ROBO1: variants seen among roughly 807,000 people sequenced by gnomAD.
The protein encoded by ROBO1 is roundabout guidance receptor 1.
A neutral mutation model predicts 195.9 loss-of-function variants in ROBO1; 149 were observed. The ratio of observed to expected loss-of-function variants is 0.76; its 90% confidence interval spans 0.67 to 0.87. The LOEUF is 0.87. ROBO1 is among the 40% of genes least tolerant of loss of function. ROBO1 has a pLI of 0.00. For missense variants in ROBO1, 1,933 were observed against 2,068.3 expected, an observed-to-expected ratio of 0.93 and a Z score of 1.27; for synonymous variants, 816 against 733.2, an observed-to-expected ratio of 1.11 and a Z score of -1.82.
intron 3 of ROBO1, among the ~76,000 whole-genome samples, chr3:79,038,745 G>GC (rs1315458030): frequency 1.3e-5 from 2 of 149,374 alleles, no homozygotes; most frequent in African/African-American, 4.9e-5. Context: ...CCCTAACATC[G>GC]CATCTGGTAC....
At chr3:78,744,536 C>G (rs916280888) in intron 5 of ROBO1, among the ~76,000 whole-genome samples, 5 of 152,210 alleles carry the variant, frequency 3.3e-5, no homozygotes, top group Admixed American at 2.6e-4. Flanking sequence ...AGGCTACCCC[C>G]TGATTGTATC....
chr3:78,705,705 C>A (rs916654553), intron 8 of ROBO1, among the ~76,000 whole-genome samples: 2 of 152,122 alleles, frequency 1.3e-5, no homozygotes, highest in Non-Finnish European at 2.9e-5. Context: ...AGAAGACATG[C>A]CTTCACCAAT....
At chr3:79,641,515 T>C (rs1248333086) in intron 1 of ROBO1, among the ~76,000 whole-genome samples, 1 of 151,780 alleles carries the variant, frequency 6.6e-6, no homozygotes, top group Non-Finnish European at 1.5e-5. Flanking sequence ...ACCTGCACAA[T>C]GTGCACATGT....
intron 2 of ROBO1, among the ~76,000 whole-genome samples, chr3:79,344,476 A>G (rs747829446): frequency 1.2e-4 from 19 of 152,176 alleles, no homozygotes; most frequent in Non-Finnish European, 2.2e-4. Context: ...TAATAGTTGA[A>G]CGCAATAAGT....
chr3:79,167,907 G>A (rs1361785732), intron 2 of ROBO1, among the ~76,000 whole-genome samples: 1 of 152,190 alleles, frequency 6.6e-6, no homozygotes, highest in Non-Finnish European at 1.5e-5. Flanking sequence ...GAGAGGTTAG[G>A]AGGATTGAGG....
chr3:79,026,936 T>C (rs370602807), intron 3 of ROBO1, among the ~76,000 whole-genome samples: 4 of 152,242 alleles, frequency 2.6e-5, no homozygotes, highest in African/African-American at 9.6e-5. Context: ...CAATAAATGT[T>C]TGTAGGATTG....
rs79304042 is a variant in ROBO1 at position 79,311,974 on chromosome 3, T to G, written c.89-186435A>C. The stretch of plus-strand genomic sequence containing the variant: ...CTTCACTCCAGATCCATGTATCCAA[T>G]TCTGAACTCCCCTCACATAATTAAA... On this transcript the variant is annotated intron_variant, in intron 2 of 30. Coordinates refer to ENST00000464233, the MANE Select transcript of ROBO1 (RefSeq NM_002941.4). 2.0e-3 allele frequency among the ~76,000 whole-genome samples: 306 copies of G among 152,284 alleles called. 2 individuals carry two copies. Among genetic ancestry groups the G allele is most frequent in the African/African-American group, 6.9e-3 (286 of 41,578 alleles).
At chr3:79,260,742 G>T (rs2082924419) in intron 2 of ROBO1, among the ~76,000 whole-genome samples, 1 of 152,086 alleles carries the variant, frequency 6.6e-6, no homozygotes, top group Admixed American at 6.6e-5. Context: ...ATTGTAAATA[G>T]TATTAATGAA....
At position 79,290,079 on chromosome 3, in the gene ROBO1, C is replaced by G. The variant is rs1027196833; in HGVS notation, c.89-164540G>C. 1.6e-4 allele frequency among the ~76,000 whole-genome samples: 24 copies of G among 152,092 alleles called. 1 individual carries two copies. The highest frequency in any genetic ancestry group is 5.3e-4 in the African/African-American group (22 of 41,402). ...TTTGAGATGGAGTCTCACTCTGCCA[C>G]CCAGGCTAGAGTGCAATGGTGCGAT... On this transcript the variant is annotated intron_variant, in intron 2 of 30. Coordinates refer to ENST00000464233, the MANE Select transcript of ROBO1 (RefSeq NM_002941.4).
chr3:79,278,278 T>C (rs936783479), intron 2 of ROBO1, among the ~76,000 whole-genome samples: 25 of 152,128 alleles, frequency 1.6e-4, no homozygotes, highest in Non-Finnish European at 2.9e-5. Flanking sequence ...TCTATCAACA[T>C]ACTAATGGCA....
intron 3 of ROBO1, among the ~76,000 whole-genome samples, chr3:79,021,181 T>G (rs1174903090): frequency 6.6e-6 from 1 of 152,146 alleles, no homozygotes; most frequent in Non-Finnish European, 1.5e-5. Context: ...TTTTCAGCAG[T>G]AAAAATATGA....
At chr3:79,060,301 G>C (rs578150531) in intron 3 of ROBO1, among the ~76,000 whole-genome samples, 1 of 151,880 alleles carries the variant, frequency 6.6e-6, no homozygotes, top group Non-Finnish European at 1.5e-5. Flanking sequence ...CTCTGGTCAT[G>C]TGATCTCACT....
At chr3:79,561,475 C>T (rs11924965) in intron 2 of ROBO1, among the ~76,000 whole-genome samples, 36,941 of 151,988 alleles carry the variant, frequency 0.24, 5,140 homozygotes, top group African/African-American at 0.37. Flanking sequence ...AACAAGGTGC[C>T]GCTGTTGGAG....
At chr3:79,611,847 C>G (rs1046869306) in intron 1 of ROBO1, among the ~76,000 whole-genome samples, 12 of 151,924 alleles carry the variant, frequency 7.9e-5, no homozygotes, top group African/African-American at 2.7e-4. Flanking sequence ...TGGAAAAAAC[C>G]TGCGCATTCT....
chr3:79,413,088 A>C (rs757337934), intron 2 of ROBO1, among the ~76,000 whole-genome samples: 11 of 150,948 alleles, frequency 7.3e-5, no homozygotes, highest in Non-Finnish European at 1.6e-4. Context: ...TAGAACAATA[A>C]TATATATATA....
chr3:79,389,317 T>C, intron 2 of ROBO1, among the ~76,000 whole-genome samples: 1 of 152,116 alleles, frequency 6.6e-6, no homozygotes, highest in East Asian at 1.9e-4. Flanking sequence ...ATAGCTTCTA[T>C]AGACAAAAAG....
intron 1 of ROBO1, among the ~76,000 whole-genome samples, chr3:79,679,292 GT>G (rs1333310005): frequency 6.6e-6 from 1 of 151,820 alleles, no homozygotes. Context: ...TATATTAGTT[GT>G]TTTATAGCTC....
chr3:79,381,043 A>G (rs1403197664), intron 2 of ROBO1, among the ~76,000 whole-genome samples: 5 of 152,190 alleles, frequency 3.3e-5, no homozygotes, highest in Admixed American at 2.0e-4. Context: ...AGAGAGAGCA[A>G]GATGACTCTA....
intron 2 of ROBO1, among the ~76,000 whole-genome samples, chr3:79,221,515 T>C (rs1166846946): frequency 1.3e-5 from 2 of 152,114 alleles, no homozygotes; most frequent in African/African-American, 4.8e-5. Flanking sequence ...CGACTTGTTT[T>C]TCTTGAATTT....
Sources: gnomAD v4.1 joint callset for allele counts (sites outside exome capture counted in the v4.1 genomes callset) on GRCh38, gnomAD v4.1.1 for gene constraint, MANE v1.5 for transcripts, NCBI Gene and HGNC (gene_info 2026-07-23, HGNC 2026-07-21) for gene names.